Variants in TENM2 observed in about 807,000 individuals in gnomAD.
TENM2 encodes the protein teneurin transmembrane protein 2.
Under a neutral mutation model 245.2 loss-of-function variants are expected in TENM2, and 52 were observed. The ratio of observed to expected loss-of-function variants is 0.21; its 90% CI spans 0.17 to 0.27. The LOEUF (loss-of-function observed/expected upper bound fraction) is 0.27, where lower values mean the gene tolerates loss of function less well. Among genes scored for constraint, TENM2 ranks in the 10% least tolerant of loss-of-function variants. TENM2 has a pLI of 1.00. For missense variants in TENM2, 3,046 were observed against 3,666.8 expected, an observed-to-expected ratio of 0.83 and a Z score of 4.37; for synonymous variants, 1,363 against 1,438.9, an observed-to-expected ratio of 0.95 and a Z score of 1.19.
the TENM2 span, among the ~76,000 whole-genome samples, chr5:167,058,219 G>A: frequency 1.4e-3 from 215 of 152,184 alleles, no homozygotes; most frequent in Non-Finnish European, 2.2e-3. Flanking sequence ...CAGAAGTTAA[G>A]GGTCAGTATT....
chr5:167,002,377 T>C, the TENM2 span, among the ~76,000 whole-genome samples: 2 of 152,200 alleles, frequency 1.3e-5, no homozygotes, highest in East Asian at 3.9e-4. Flanking sequence ...GATCGTGCCA[T>C]TGTCCTCCAG....
chr5:168,239,129 C>T (rs1238690638), intron 25 of TENM2, among the ~76,000 whole-genome samples: 1 of 152,146 alleles, frequency 6.6e-6, no homozygotes, highest in East Asian at 1.9e-4. Context: ...GGCAGGTATC[C>T]TCAAAGGGCC....
Position 168,218,524 on chromosome 5 carries a change from T to G in TENM2, c.4633T>G (p.Ser1545Ala), listed in dbSNP as rs1345196456. 6.2e-7 allele frequency: 1 copy of G among 1,613,926 alleles called. No individual in the cohort carries two copies. Among genetic ancestry groups the G allele is most frequent in the Non-Finnish European group, 8.5e-7 (1 of 1,179,914 alleles). ...CTACGCGACTGATGCCATCTTGAAT[T>G]CCCCATCATCCTTAGCTGTAGCTCC... Residue 1545 changes from serine to alanine, a missense_variant, in exon 23 of 29, where the codon TCC (serine) becomes GCC (alanine). Ser to Ala is a moderately conservative substitution (Grantham distance 99, BLOSUM62 1). Coordinates refer to ENST00000518659, the Ensembl canonical transcript of TENM2. The surrounding 1 kb of genome is among the most constrained non-coding windows in gnomAD (Gnocchi z 5.2).
intron 2 of TENM2, among the ~76,000 whole-genome samples, chr5:167,727,496 T>C (rs1455215645): frequency 6.6e-6 from 1 of 152,228 alleles, no homozygotes; most frequent in African/African-American, 2.4e-5. Context: ...AAACAAAGAC[T>C]ACTCCATACA....
At chr5:167,777,800 A>C (rs1763914845) in intron 2 of TENM2, among the ~76,000 whole-genome samples, 2 of 152,352 alleles carry the variant, frequency 1.3e-5, no homozygotes, top group African/African-American at 4.8e-5. Context: ...CAGTGAGCCA[A>C]AGCTTAGCTC....
the TENM2 span, among the ~76,000 whole-genome samples, chr5:167,052,296 C>A: frequency 6.6e-6 from 1 of 152,008 alleles, no homozygotes; most frequent in Non-Finnish European, 1.5e-5. Flanking sequence ...ATTCCCTGAA[C>A]TTTTACTATT....
intron 1 of TENM2, among the ~76,000 whole-genome samples, chr5:167,312,105 ATTG>A (rs1756066751): frequency 6.6e-6 from 1 of 152,206 alleles, no homozygotes; most frequent in African/African-American, 2.4e-5. Context: ...ATATGCATAT[ATTG>A]TTGTATACAT....
intron 27 of TENM2, among the ~76,000 whole-genome samples, chr5:168,258,272 C>T (rs112146521): frequency 0.025 from 3,825 of 151,850 alleles, 48 homozygotes; most frequent in Middle Eastern, 0.048. Context: ...GAGGCCGAGG[C>T]GGGCAGATCA....
intron 2 of TENM2, among the ~76,000 whole-genome samples, chr5:167,462,628 A>G (rs375684023): frequency 2.0e-5 from 3 of 152,046 alleles, no homozygotes; most frequent in Non-Finnish European, 2.9e-5. Context: ...CTCTTCTCCA[A>G]CTGTCCCCAG....
At chr5:167,012,663 C>A in the TENM2 span, among the ~76,000 whole-genome samples, 4 of 152,104 alleles carry the variant, frequency 2.6e-5, no homozygotes, top group Non-Finnish European at 5.9e-5. Context: ...GTGCACTGCA[C>A]AAAGGAACCC....
chr5:168,206,224 TG>T (rs1762335408), intron 19 of TENM2, among the ~76,000 whole-genome samples: 1 of 152,230 alleles, frequency 6.6e-6, no homozygotes, highest in African/African-American at 2.4e-5. Flanking sequence ...ATCAGTGGCC[TG>T]CCCCCAGCAA....
chr5:167,111,809 C>T, the TENM2 span, among the ~76,000 whole-genome samples: 1 of 152,118 alleles, frequency 6.6e-6, no homozygotes. Flanking sequence ...TAGTACAATA[C>T]AATTATTGAG....
intron 7 of TENM2, among the ~76,000 whole-genome samples, chr5:168,077,514 G>C (rs1207020444): frequency 6.6e-6 from 1 of 151,832 alleles, no homozygotes; most frequent in African/African-American, 2.4e-5. Flanking sequence ...TGCCATGTTG[G>C]TGTGCTGCAC....
intron 2 of TENM2, among the ~76,000 whole-genome samples, chr5:167,407,088 A>G (rs1226114833): frequency 1.3e-5 from 2 of 152,194 alleles, no homozygotes; most frequent in South Asian, 2.1e-4. Context: ...GATTAATTCT[A>G]CATGCAGTTG....
chr5:168,116,974 T>A (rs1008929328), intron 9 of TENM2, among the ~76,000 whole-genome samples: 16 of 152,186 alleles, frequency 1.1e-4, no homozygotes, highest in African/African-American at 2.9e-4. Flanking sequence ...GCCACTTCCA[T>A]AGCCGGAGGA....
intron 2 of TENM2, among the ~76,000 whole-genome samples, chr5:167,420,477 A>G (rs1193896465): frequency 6.6e-6 from 1 of 151,884 alleles, no homozygotes; most frequent in Non-Finnish European, 1.5e-5. Context: ...CTCACCTCCT[A>G]CCAGTATTCT....
At chr5:167,456,770 G>A (rs1407850153) in intron 2 of TENM2, among the ~76,000 whole-genome samples, 1 of 152,068 alleles carries the variant, frequency 6.6e-6, no homozygotes, top group Non-Finnish European at 1.5e-5. Flanking sequence ...TTTTCATTTT[G>A]TATATTTATT....
chr5:167,644,423 A>G (rs184482952), intron 2 of TENM2, among the ~76,000 whole-genome samples: 19 of 152,218 alleles, frequency 1.2e-4, no homozygotes, highest in African/African-American at 4.1e-4. Flanking sequence ...CCTTCCAAGG[A>G]TGGTGTGGAT....
chr5:167,552,237 C>T (rs1325203718), intron 2 of TENM2, among the ~76,000 whole-genome samples: 1 of 152,080 alleles, frequency 6.6e-6, no homozygotes, highest in Admixed American at 6.6e-5. Flanking sequence ...TCCATAAAAT[C>T]CTAAAGTTCA....
Sources: gnomAD v4.1 joint callset for allele counts (sites outside exome capture counted in the v4.1 genomes callset) on GRCh38, gnomAD v4.1.1 for gene constraint, Gnocchi (gnomAD v3.1) non-coding constraint, MANE v1.5 for transcripts, NCBI Gene and HGNC (gene_info 2026-07-23, HGNC 2026-07-21) for gene names.